Variants in CDC73 observed in about 807,000 individuals in gnomAD.
The protein encoded by CDC73 is parafibromin.
A neutral mutation model predicts 83.7 loss-of-function variants in CDC73; 21 were observed. The observed-to-expected ratio is 0.25, with a 90% CI of 0.18 to 0.36. The LOEUF (loss-of-function observed/expected upper bound fraction) is 0.36, where lower values mean the gene tolerates loss of function less well. Ranked by LOEUF, CDC73 falls within the 10% of genes least tolerant of loss-of-function variation. The probability of loss-of-function intolerance (pLI) is 1.00; values close to 1 mark genes in which losing one functional copy is unlikely to be tolerated. For missense variants in CDC73, 342 were observed against 653.3 expected, an observed-to-expected ratio of 0.52 and a Z score of 5.19; for synonymous variants, 224 against 212.9, an observed-to-expected ratio of 1.05 and a Z score of -0.45.
At chr1:193,226,867 T>C (rs1277197420) in intron 13 of CDC73, among the ~76,000 whole-genome samples, 2 of 152,174 alleles carry the variant, frequency 1.3e-5, no homozygotes, top group African/African-American at 4.8e-5. Context: ...TTCTCTATCT[T>C]GTGGAATAGC....
intron 13 of CDC73, among the ~76,000 whole-genome samples, chr1:193,215,533 A>G (rs767703140): frequency 3.4e-4 from 51 of 152,208 alleles, no homozygotes; most frequent in Middle Eastern, 6.9e-3. Context: ...ATACAGTTAC[A>G]TAGAAATTAA....
chr1:193,152,061 A>G lies in CDC73; in HGVS notation c.908-319A>G, dbSNP rs764887116. Among the ~76,000 whole-genome samples the G allele has an allele frequency of 7.2e-5, 11 of 152,200 alleles. 1 individual carries two copies. Among genetic ancestry groups the G allele is most frequent in the Admixed American group, 7.2e-4 (11 of 15,278 alleles). On this transcript the variant is annotated intron_variant, in intron 9 of 16. Transcript: ENST00000367435. ...ATTAGATGCTTTTAGTGGTACTATC[A>G]TTGAGTATTAGTAGTAAGTAATTTG... is the stretch of plus-strand genomic sequence containing the variant.
chr1:193,207,765 A>G (rs1417908243), intron 11 of CDC73, among the ~76,000 whole-genome samples: 2 of 152,188 alleles, frequency 1.3e-5, no homozygotes, highest in African/African-American at 4.8e-5. Context: ...CACATGTTTT[A>G]CAATCAATTT....
rs2102061741 is a variant in CDC73 at position 193,236,246 on chromosome 1, C to G, written c.1317-10C>G. On this transcript the variant is annotated splice_polypyrimidine_tract_variant and intron_variant, in intron 14 of 16. Transcript: ENST00000367435. The stretch of plus-strand genomic sequence containing the variant: ...CCCCTACCTCCCCCCACCCACTTTT[C>G]TACTTGTAGGGACCGCGTTGTAGCC... 1 of 1,596,704 alleles carries G rather than the reference C, an allele frequency of 6.3e-7. No homozygotes were observed. The highest frequency in any genetic ancestry group is 2.2e-5 in the East Asian group (1 of 44,786).
intron 3 of CDC73, among the ~76,000 whole-genome samples, chr1:193,132,217 A>G (rs1675708630): frequency 6.6e-6 from 1 of 152,210 alleles, no homozygotes; most frequent in Non-Finnish European, 1.5e-5. Flanking sequence ...ATTTCCACAG[A>G]GAATCTTGTG....
intron 3 of CDC73, among the ~76,000 whole-genome samples, chr1:193,132,895 ATTTTTTTT>A (rs781435930): frequency 1.8e-5 from 2 of 113,194 alleles, no homozygotes; most frequent in African/African-American, 6.6e-5. Context: ...TTTCCTGTAG[ATTTTTTTT>A]TTTTTTTTTT....
At chr1:193,181,845 T>C (rs1676722803) in intron 10 of CDC73, among the ~76,000 whole-genome samples, 1 of 152,152 alleles carries the variant, frequency 6.6e-6, no homozygotes, top group South Asian at 2.1e-4. Flanking sequence ...GAGAACAAGA[T>C]TAATTTATTT....
chr1:193,208,878 G>T (rs1677231928), intron 11 of CDC73, among the ~76,000 whole-genome samples: 3 of 152,018 alleles, frequency 2.0e-5, no homozygotes, highest in African/African-American at 7.2e-5. Flanking sequence ...TCGCCTACTT[G>T]TTCTTGGCAA....
intron 13 of CDC73, among the ~76,000 whole-genome samples, chr1:193,213,583 GGT>G (rs2102039644): frequency 6.6e-6 from 1 of 152,192 alleles, no homozygotes; most frequent in Admixed American, 6.5e-5. Context: ...GAGCGAAGGT[GGT>G]TAACTGTATT....
chr1:193,197,397 G>C (rs761335705), intron 10 of CDC73, among the ~76,000 whole-genome samples: 2 of 152,160 alleles, frequency 1.3e-5, no homozygotes, highest in African/African-American at 2.4e-5. Context: ...TTGTTTAACA[G>C]TTATTAGTCC....
chr1:193,216,626 G>T (rs1677371973), intron 13 of CDC73, among the ~76,000 whole-genome samples: 1 of 151,468 alleles, frequency 6.6e-6, no homozygotes, highest in Admixed American at 6.6e-5. Flanking sequence ...CCAAAACCTG[G>T]CAGAGAGACA....
intron 10 of CDC73, among the ~76,000 whole-genome samples, chr1:193,188,290 A>G (rs1246147573): frequency 2.6e-5 from 4 of 152,226 alleles, no homozygotes; most frequent in African/African-American, 9.6e-5. Flanking sequence ...TCAGATAAAT[A>G]CTGATAAGAA....
Position 193,181,186 on chromosome 1 carries a change from T to C in CDC73, c.973-22609T>C, listed in dbSNP as rs766179807. 8 of 1,613,856 alleles carry C rather than the reference T, an allele frequency of 5.0e-6. No homozygotes were observed. In the Admixed American group the frequency reaches 1.3e-4, roughly 27 times the overall value. On this transcript the variant is annotated intron_variant, in intron 10 of 16. Transcript: ENST00000367435. Reference sequence around the variant, plus strand: ...GTAAGAATTTGGATGTCCAGTACCTTTTTCATTGTAAATACTTCCATTGGC... The same window carrying C: ...GTAAGAATTTGGATGTCCAGTACCTCTTTCATTGTAAATACTTCCATTGGC...
chr1:193,191,929 C>G (rs1432921864), intron 10 of CDC73, among the ~76,000 whole-genome samples: 2 of 152,122 alleles, frequency 1.3e-5, no homozygotes, highest in African/African-American at 4.8e-5. Context: ...AGGCAGCTTA[C>G]TCTCCATTCT....
At chr1:193,237,680 C>T (rs904103887) in intron 15 of CDC73, among the ~76,000 whole-genome samples, 4 of 152,010 alleles carry the variant, frequency 2.6e-5, no homozygotes, top group Admixed American at 2.0e-4. Flanking sequence ...TGACTCAAAG[C>T]CTTTGTCATT....
At chr1:193,187,081 C>T (rs1229384926) in intron 10 of CDC73, among the ~76,000 whole-genome samples, 5 of 69,434 alleles carry the variant, frequency 7.2e-5, no homozygotes, top group African/African-American at 2.4e-4. Context: ...CTATTGAAAC[C>T]ATGTATCTTT....
intron 10 of CDC73, among the ~76,000 whole-genome samples, chr1:193,163,620 C>CAGAGA (rs1558294405): frequency 6.6e-6 from 1 of 152,046 alleles, no homozygotes; most frequent in African/African-American, 2.4e-5. Context: ...AGACATAAAT[C>CAGAGA]ATCTAATACT....
intron 1 of CDC73, among the ~76,000 whole-genome samples, chr1:193,123,619 C>G (rs1239712185): frequency 1.3e-5 from 2 of 151,382 alleles, no homozygotes; most frequent in Non-Finnish European, 2.9e-5. Context: ...GTATTTTACC[C>G]TTTCGAATAA....
chr1:193,250,824 C>G lies in CDC73; in HGVS notation c.*112C>G, dbSNP rs1678033057. The G allele has an allele frequency of 1.0e-6, 1 of 983,932 alleles. No individual in the cohort carries two copies. Among genetic ancestry groups the G allele is most frequent in the Non-Finnish European group, 1.6e-6 (1 of 622,710 alleles). The allele number at this position is 983,932 out of a possible 1,614,324, so 61.0% of individuals were successfully genotyped here. ...ATCTTTTATAAGACCTTATTTGATGCTTTGTGCTTCAAGGAGATGATACCT... is the reference window on the plus strand; with the variant it reads ...ATCTTTTATAAGACCTTATTTGATGGTTTGTGCTTCAAGGAGATGATACCT... On this transcript the variant is annotated 3_prime_UTR_variant, in exon 17 of 17. Transcript: ENST00000367435.
Sources: gnomAD v4.1 joint callset for allele counts (sites outside exome capture counted in the v4.1 genomes callset) on GRCh38, gnomAD v4.1.1 for gene constraint, MANE v1.5 for transcripts, NCBI Gene and HGNC (gene_info 2026-07-23, HGNC 2026-07-21) for gene names.